KREMEN1: variants seen among roughly 807,000 people sequenced by gnomAD.
KREMEN1 encodes the protein kringle containing transmembrane protein 1.
KREMEN1 carries 30 observed loss-of-function variants against 46.5 expected under a neutral mutation model. That is an observed-to-expected ratio of 0.65 (90% CI 0.48 to 0.88). KREMEN1 has a LOEUF of 0.88. Among genes scored for constraint, KREMEN1 ranks in the 40% least tolerant of loss-of-function variants. The pLI is 0.00. For missense variants in KREMEN1, 533 were observed against 596.9 expected (o/e 0.89, Z 1.11); for synonymous variants, 214 against 230.6 (o/e 0.93, Z 0.65).
intron 2 of KREMEN1, among the ~76,000 whole-genome samples, 183 bp downstream of exon 2, chr22:29,094,603 AC>A (rs1569316095): frequency 6.9e-6 from 1 of 144,268 alleles, no homozygotes; most frequent in Non-Finnish European, 1.5e-5. Flanking sequence ...ACACACACAC[AC>A]ACACACACAC....
rs770606593 is a variant in KREMEN1 at position 29,121,599 on chromosome 22, G to A, written c.477+118G>A. The stretch of plus-strand genomic sequence containing the variant: ...AGCCAGACACAAAAGGCCACATATT[G>A]TATGATTCCACTTACATGAATTGTC... On this transcript the variant is annotated intron_variant, in intron 4 of 8. Transcript: ENST00000400335. 5.4e-6 allele frequency: 6 copies of A among 1,109,184 alleles called. No individual in the cohort carries two copies. The South Asian group carries it at 5.9e-5, about 11-fold the overall frequency. 68.7% of individuals were successfully genotyped at this position (1,109,184 alleles called of 1,614,324 possible).
intron 3 of KREMEN1, among the ~76,000 whole-genome samples, chr22:29,120,522 T>G (rs2038335008): frequency 1.6e-5 from 2 of 124,662 alleles, no homozygotes; most frequent in African/African-American, 6.6e-5. Flanking sequence ...GAGGGAGAGG[T>G]GATGATGGAA....
intron 5 of KREMEN1, among the ~76,000 whole-genome samples, chr22:29,131,542 A>ATG (rs1569331015): frequency 8.6e-4 from 40 of 46,648 alleles, no homozygotes; most frequent in African/African-American, 3.6e-3. Flanking sequence ...ATATATATAT[A>ATG]TATATATATA....
chr22:29,162,635 C>G (rs1048711556), intron 9 of KREMEN1, among the ~76,000 whole-genome samples: 1 of 151,876 alleles, frequency 6.6e-6, no homozygotes, highest in African/African-American at 2.4e-5. Flanking sequence ...TTGCTTGAAC[C>G]CTGGAGGTGG....
Position 29,094,295 on chromosome 22 carries a change from A to C in KREMEN1, c.135A>C (p.Thr45=). 6.2e-7 allele frequency: 1 copy of C among 1,613,778 alleles called. No individual in the cohort carries two copies. The highest frequency in any genetic ancestry group is 8.5e-7 in the Non-Finnish European group (1 of 1,179,878). Residue 45 remains threonine, a synonymous_variant, in exon 2 of 9, where the codon ACA becomes ACC. Coordinates refer to ENST00000400335, the MANE Select transcript of KREMEN1 (RefSeq NM_001039570.3). ...CCAATGGTGCGGATTATAGGGGAAC[A>C]CAGAACTGGACAGCACTACAAGGCG... ...FTANGADYRG[T]QNWTALQGGK... is the part of the protein sequence containing the mutation.
intron 3 of KREMEN1, among the ~76,000 whole-genome samples, chr22:29,118,558 A>C (rs773271537): frequency 6.6e-6 from 1 of 152,134 alleles, no homozygotes; most frequent in Non-Finnish European, 1.5e-5. Flanking sequence ...CTCTCTTCCT[A>C]GTTTGCTGAG....
intron 3 of KREMEN1, among the ~76,000 whole-genome samples, chr22:29,111,421 G>A (rs2038146688): frequency 6.6e-6 from 1 of 151,812 alleles, no homozygotes; most frequent in Non-Finnish European, 1.5e-5. Context: ...GACCATCCTG[G>A]CTAACACAGT....
chr22:29,094,511 A>G, intron 2 of KREMEN1, 91 bp downstream of exon 2: 1 of 1,163,212 alleles, frequency 8.6e-7, no homozygotes, highest in Non-Finnish European at 1.2e-6. Context: ...AACTAGGGGA[A>G]GTCTTTTGAC....
At chr22:29,086,716 T>C (rs2037734392) in intron 1 of KREMEN1, among the ~76,000 whole-genome samples, 2 of 152,110 alleles carry the variant, frequency 1.3e-5, no homozygotes, top group South Asian at 4.2e-4. Context: ...GGGCGATAGG[T>C]GTGCTATGTG....
chr22:29,121,476 T>C lies in KREMEN1; in HGVS notation c.472T>C (p.Phe158Leu). 2 of 1,613,820 alleles carry C rather than the reference T, an allele frequency of 1.2e-6. No individual in the cohort carries two copies. The highest frequency in any genetic ancestry group is 1.7e-6 in the Non-Finnish European group (2 of 1,179,882). ...TCISFCRSQR[F>L]KFAGMESGYA... Reference sequence around the variant, plus strand: ...CATCAGTTTTTGTCGGAGTCAGAGGTTCAAGGTGATGACTCTGTGGCTGTG... The same window carrying C: ...CATCAGTTTTTGTCGGAGTCAGAGGCTCAAGGTGATGACTCTGTGGCTGTG... Residue 158 changes from phenylalanine (F) to leucine (L), a missense_variant, in exon 4 of 9, where the codon TTC becomes CTC. By Grantham distance (22) the Phe-to-Leu change is conservative. Transcript: ENST00000400335.
At chr22:29,159,416 C>T (rs2038991554) in intron 9 of KREMEN1, among the ~76,000 whole-genome samples, 1 of 151,756 alleles carries the variant, frequency 6.6e-6, no homozygotes, top group Admixed American at 6.6e-5. Context: ...GTCAGGAGTT[C>T]GAGACCAGCC....
At position 29,142,339 on chromosome 22, in the gene KREMEN1, A is replaced by T; in HGVS notation, c.*227A>T. Reference sequence around the variant, plus strand: ...GATTGCACTTAGGAGAGAGACTCAAAGCCCTGGGGCCCGGCCCTCTCTGCA... The same window carrying T: ...GATTGCACTTAGGAGAGAGACTCAATGCCCTGGGGCCCGGCCCTCTCTGCA... On this transcript the variant is annotated 3_prime_UTR_variant, in exon 9 of 9. Transcript: ENST00000400335. 2 of 1,229,534 alleles carry T rather than the reference A, an allele frequency of 1.6e-6. No homozygotes were observed. The highest frequency in any genetic ancestry group is 2.0e-6 in the Non-Finnish European group (2 of 985,216). The allele number at this position is 1,229,534 out of a possible 1,614,324, so 76.2% of individuals were successfully genotyped here.
At chr22:29,164,001 G>A (rs553749925) in intron 9 of KREMEN1, among the ~76,000 whole-genome samples, 196 of 151,998 alleles carry the variant, frequency 1.3e-3, no homozygotes, top group Admixed American at 3.2e-3. Context: ...GAATCATAGC[G>A]CACTGCAGCC....
At chr22:29,094,561 C>A (rs1204900582) in intron 2 of KREMEN1, 141 bp downstream of exon 2, 21 of 487,388 alleles carry the variant, frequency 4.3e-5, no homozygotes, top group East Asian at 1.6e-4. Flanking sequence ...AAAAATATTT[C>A]TTTCACACCT....
intron 3 of KREMEN1, among the ~76,000 whole-genome samples, chr22:29,105,463 G>GCGCACACACACA (rs2038042010): frequency 8.9e-6 from 1 of 112,880 alleles, no homozygotes; most frequent in Non-Finnish European, 1.9e-5. Flanking sequence ...GTGCGTGTGC[G>GCGCACACACACA]CACACACACA....
intron 2 of KREMEN1, among the ~76,000 whole-genome samples, chr22:29,095,603 C>T (rs1268064416): frequency 6.6e-6 from 1 of 152,174 alleles, no homozygotes; most frequent in African/African-American, 2.4e-5. Context: ...GTCCCTGGTT[C>T]TACATACATT....
intron 1 of KREMEN1, among the ~76,000 whole-genome samples, chr22:29,093,972 A>G (rs982718737): frequency 6.6e-6 from 1 of 152,228 alleles, no homozygotes; most frequent in African/African-American, 2.4e-5. Context: ...CATGGGCTTC[A>G]GTACACTTCA....
At chr22:29,140,775 C>A (rs750728571) in intron 8 of KREMEN1, among the ~76,000 whole-genome samples, 16 of 152,314 alleles carry the variant, frequency 1.1e-4, no homozygotes, top group Non-Finnish European at 2.2e-4. Context: ...TTAACTATTG[C>A]TCAGTAGTTA....
At chr22:29,120,020 G>C (rs1274587442) in intron 3 of KREMEN1, among the ~76,000 whole-genome samples, 1 of 149,438 alleles carries the variant, frequency 6.7e-6, no homozygotes, top group East Asian at 1.9e-4. Flanking sequence ...GGTGATGAAG[G>C]AAACAGAGGG....
Sources: allele counts gnomAD v4.1 joint callset (sites outside exome capture counted in the v4.1 genomes callset), GRCh38; gene constraint gnomAD v4.1.1; transcripts MANE v1.5; gene names NCBI Gene and HGNC (gene_info 2026-07-23, HGNC 2026-07-21).